ABCA7: variants seen among roughly 807,000 people sequenced by gnomAD.
ABCA7 encodes the protein phospholipid-transporting ATPase ABCA7.
A neutral mutation model predicts 227.6 loss-of-function variants in ABCA7; 261 were observed. That is an observed-to-expected ratio of 1.15 (90% CI 1.04 to 1.27). ABCA7 has a LOEUF of 1.27. ABCA7 is among the 50% of genes most tolerant of loss of function. The pLI, the probability that ABCA7 is intolerant of heterozygous loss-of-function variation, is 0.00. For synonymous variants in ABCA7, 1,488 were observed against 1,279.7 expected, an observed-to-expected ratio of 1.16 and a Z score of -3.47; for missense variants, 3,331 against 2,924.5, an observed-to-expected ratio of 1.14 and a Z score of -3.21.
At chr19:1,053,265 TC>T (rs1329377004) in intron 23 of ABCA7, 63 bp from the exon 24 acceptor site, 5 of 1,501,954 alleles carry the variant, frequency 3.3e-6, no homozygotes, top group Non-Finnish European at 3.6e-6. Flanking sequence ...CAATGCCTCT[TC>T]CCCAGGGAGA....
chr19:1,042,967 T>G, intron 7 of ABCA7, 74 bp from the exon 8 acceptor site: 1 of 1,525,788 alleles, frequency 6.6e-7, no homozygotes, highest in Non-Finnish European at 8.8e-7. Context: ...AGGCTGCCCC[T>G]GGCCCAGTGC....
intron 11 of ABCA7, 38 bp downstream of exon 11, chr19:1,044,782 G>T: frequency 6.4e-7 from 1 of 1,559,894 alleles, no homozygotes. Context: ...GTTTCAGTGG[G>T]GAGGGCAGGT....
intron 42 of ABCA7, among the ~76,000 whole-genome samples, chr19:1,062,592 C>T (rs1250717447): frequency 6.6e-6 from 1 of 152,060 alleles, no homozygotes; most frequent in Non-Finnish European, 1.5e-5. Context: ...CTTGACTCTG[C>T]CTTCTGTGGC....
rs2042700230 is a variant in ABCA7, at chr19:1,062,167, C to T, written c.5571-5C>T. On this transcript the variant is annotated splice_region_variant and splice_polypyrimidine_tract_variant and intron_variant, in intron 41 of 46. Coordinates refer to ENST00000263094, the MANE Select transcript of ABCA7 (RefSeq NM_019112.4). ...TCTCTGAGCCCCCGGCGCCCCCATCCCCAGCGTGGCCCGGGAACCCAGTGC... is the reference window on the plus strand; with the variant it reads ...TCTCTGAGCCCCCGGCGCCCCCATCTCCAGCGTGGCCCGGGAACCCAGTGC... 14 of 1,611,296 alleles carry T rather than the reference C, an allele frequency of 8.7e-6. No individual in the cohort carries two copies. The highest frequency in any genetic ancestry group is 3.3e-5 in the Admixed American group (2 of 59,946).
intron 5 of ABCA7, 39 bp from the exon 6 acceptor site, chr19:1,042,276 G>C (rs536624584): frequency 6.3e-7 from 1 of 1,577,776 alleles, no homozygotes; most frequent in South Asian, 1.1e-5. Flanking sequence ...TCAGACCAAC[G>C]TCCCCCCAGC....
rs1461845738 is a variant in ABCA7, at chr19:1,062,195, C to T, written c.5594C>T (p.Ala1865Val). The T allele has an allele frequency of 2.5e-6, 4 of 1,612,310 alleles. No individual in the cohort carries two copies. The highest frequency in any genetic ancestry group is 2.7e-5 in the African/African-American group (2 of 75,022). ...GHSVAREPSAAHLSMGYCPQS... is the reference protein window; with the variant it reads ...GHSVAREPSAVHLSMGYCPQS... The stretch of plus-strand genomic sequence containing the variant: ...AGCGTGGCCCGGGAACCCAGTGCTG[C>T]GCACCTCAGCATGGGATACTGCCCT... Residue 1865 changes from alanine to valine, a missense_variant, in exon 42 of 47, where the codon GCG becomes GTG. By Grantham distance (64) the Ala-to-Val change is moderately conservative. Coordinates refer to ENST00000263094, the MANE Select transcript of ABCA7 (RefSeq NM_019112.4).
chr19:1,046,796 C>T lies in ABCA7; in HGVS notation c.1623-6C>T, dbSNP rs534825808. The T allele has an allele frequency of 5.9e-6, 9 of 1,536,458 alleles. No individual in the cohort carries two copies. Among genetic ancestry groups the T allele is most frequent in the African/African-American group, 1.4e-5 (1 of 73,134 alleles). ...CCAGCCTCCACCCCAGCCGTCCCCA[C>T]CCCAGGTTCCTGCGTGTGCTGAGCC... On this transcript the variant is annotated splice_polypyrimidine_tract_variant and splice_region_variant and intron_variant, in intron 13 of 46. Coordinates refer to ENST00000263094, the MANE Select transcript of ABCA7 (RefSeq NM_019112.4).
At chr19:1,055,482 G>T in intron 30 of ABCA7, 131 bp downstream of exon 30, 1 of 1,060,308 alleles carries the variant, frequency 9.4e-7, no homozygotes, top group Non-Finnish European at 1.3e-6. Context: ...TGGGAGTCTC[G>T]CGTACCTTCC....
intron 10 of ABCA7, 138 bp from the exon 11 acceptor site, chr19:1,044,439 G>T: frequency 1.0e-6 from 1 of 967,962 alleles, no homozygotes; most frequent in Non-Finnish European, 1.5e-6. Context: ...GTAGAGATGG[G>T]CTTTCACCAT....
In ABCA7 at chr19:1,051,501, AGTT is replaced by A; in HGVS notation, c.2881_2883del (p.Val961del). 2 of 1,612,398 alleles carry A rather than the reference AGTT, an allele frequency of 1.2e-6. No individual in the cohort carries two copies. The highest frequency in any genetic ancestry group is 1.7e-6 in the Non-Finnish European group (2 of 1,179,836). On this transcript the variant is annotated inframe_deletion, in exon 21 of 47. Transcript: ENST00000263094. ...CCATTGCCTTTGTGGGCGGCTCCCA[AGTT>A]GTTATCCTGGACGAGCCTACGGCTG...
intron 40 of ABCA7, 139 bp downstream of exon 40, chr19:1,059,224 C>A: frequency 3.5e-6 from 2 of 574,500 alleles, no homozygotes; most frequent in East Asian, 7.4e-5. Flanking sequence ...AATATTTGTG[C>A]TCCTATTTTT....
At chr19:1,064,763 C>A in intron 45 of ABCA7, 168 bp from the exon 46 acceptor site, 2 of 1,157,148 alleles carry the variant, frequency 1.7e-6, no homozygotes, top group Non-Finnish European at 2.3e-6. Flanking sequence ...TGCCTGTGGT[C>A]TCAGCTACGC....
chr19:1,047,749 G>A, intron 16 of ABCA7, 95 bp downstream of exon 16: 2 of 1,354,120 alleles, frequency 1.5e-6, no homozygotes, highest in Non-Finnish European at 2.0e-6. Flanking sequence ...GGGGGTGGGG[G>A]GTGGCTTATT....
At position 1,056,287 on chromosome 19, in the gene ABCA7, C is replaced by G; in HGVS notation, c.4417-43C>G. On this transcript the variant is annotated intron_variant, in intron 32 of 46. Transcript: ENST00000263094. This position sits in a 1 kb window ranked among gnomAD's most constrained non-coding sequence, Gnocchi z 4.3. ...GGTGGGCGTCCTGTCACAGCAAGGT[C>G]CAACCCCATTGCTCTGACCCTATGA... 1.2e-6 allele frequency: 2 copies of G among 1,602,620 alleles called. No individual in the cohort carries two copies. The highest frequency in any genetic ancestry group is 2.7e-5 in the African/African-American group (2 of 74,924).
intron 40 of ABCA7, 101 bp downstream of exon 40, chr19:1,059,186 AC>A (rs2144930005): frequency 7.9e-7 from 1 of 1,270,466 alleles, no homozygotes; most frequent in South Asian, 1.9e-5. Context: ...TGTATCCACC[AC>A]CTTTTATTGG....
In ABCA7 at chr19:1,052,057, C is replaced by T. The variant is rs1243343364; in HGVS notation, c.3078C>T (p.Arg1026=). 2 of 1,612,378 alleles carry T rather than the reference C, an allele frequency of 1.2e-6. No individual in the cohort carries two copies. Among genetic ancestry groups the T allele is most frequent in the East Asian group, 2.2e-5 (1 of 44,838 alleles). ...GCTGTGGCTCCCCACTCTTCCTGCG[C>T]CGTCACCTGGGCTCCGGCTACTACC... ...LCCCGSPLFL[R]RHLGSGYYLT... is the part of the protein sequence containing the mutation. The change falls in exon 22 of 47, where the codon CGC becomes CGT. Residue 1026 remains arginine, a synonymous_variant. Transcript: ENST00000263094.
chr19:1,065,344 G>T lies in ABCA7; in HGVS notation c.6360G>T (p.Val2120=), dbSNP rs771652417. ...TEEQKEAGVG[V]DPAPGLQHPK... is the part of the protein sequence containing the mutation. ...AGCAGAAGGAGGCAGGAGTGGGAGT[G>T]GACCCCGCGCCAGGCCTGCAGCACC... Residue 2120 remains valine, a synonymous_variant, in exon 47 of 47, where the codon GTG becomes GTT. Coordinates refer to ENST00000263094, the MANE Select transcript of ABCA7 (RefSeq NM_019112.4). The T allele has an allele frequency of 6.2e-7, 1 of 1,613,638 alleles. No homozygotes were observed. Among genetic ancestry groups the T allele is most frequent in the African/African-American group, 1.3e-5 (1 of 75,050 alleles).
chr19:1,053,082 T>C (rs1185242443), intron 23 of ABCA7, among the ~76,000 whole-genome samples: 2 of 152,266 alleles, frequency 1.3e-5, no homozygotes, highest in African/African-American at 4.8e-5. Flanking sequence ...TTGGTAGAAA[T>C]GGGGTTTCAC....
rs377547520 is a variant in ABCA7, at chr19:1,052,204, C to T, written c.3148-10C>T. 1.3e-6 allele frequency: 2 copies of T among 1,594,044 alleles called. No homozygotes were observed. The highest frequency in any genetic ancestry group is 2.7e-5 in the African/African-American group (2 of 73,680). ...GAAGGCCAAGCCACTTGGTGCCTCT[C>T]TGCCCGCAGGCTGACACTGACATGG... On this transcript the variant is annotated splice_polypyrimidine_tract_variant and intron_variant, in intron 22 of 46. Coordinates refer to ENST00000263094, the MANE Select transcript of ABCA7 (RefSeq NM_019112.4).
Sources: allele counts gnomAD v4.1 joint callset (sites outside exome capture counted in the v4.1 genomes callset), GRCh38; gene constraint gnomAD v4.1.1; non-coding constraint Gnocchi (gnomAD v3.1); transcripts MANE v1.5; gene names NCBI Gene and HGNC (gene_info 2026-07-23, HGNC 2026-07-21).